The following FHIP1A variants were observed in gnomAD, a reference collection of about 807,000 sequenced individuals.
The protein encoded by FHIP1A is FHF complex subunit HOOK-interacting protein 1A.
FHIP1A carries 61 observed loss-of-function variants against 88.6 expected under a neutral mutation model. The observed-to-expected ratio is 0.69, with a 90% CI of 0.56 to 0.85. The LOEUF (loss-of-function observed/expected upper bound fraction) is 0.85. Ranked by LOEUF, FHIP1A falls within the 40% of genes least tolerant of loss-of-function variation. FHIP1A has a pLI of 0.00. For synonymous variants in FHIP1A, 478 were observed against 496.0 expected, an observed-to-expected ratio of 0.96 and a Z score of 0.48; for missense variants, 1,154 against 1,273.5, an observed-to-expected ratio of 0.91 and a Z score of 1.43.
At chr4:151,569,419 G>A (rs1733512350) in intron 4 of FHIP1A, among the ~76,000 whole-genome samples, 1 of 152,028 alleles carries the variant, frequency 6.6e-6, no homozygotes. Context: ...AGGCATGGTG[G>A]CGGGTGCCTG....
At chr4:151,621,571 G>A (rs1320065818) in intron 7 of FHIP1A, among the ~76,000 whole-genome samples, 1 of 150,366 alleles carries the variant, frequency 6.7e-6, no homozygotes, top group Admixed American at 6.6e-5. Flanking sequence ...GGGGGTGCGT[G>A]GGGGAGGAGT....
rs116873603 is a variant in FHIP1A, at chr4:151,410,462, C to T, written c.-356+997C>T. 5.4e-4 allele frequency among the ~76,000 whole-genome samples: 83 copies of T among 152,368 alleles called. No individual in the cohort carries two copies. The East Asian group carries it at 0.015, about 28-fold the overall frequency. On this transcript the variant is annotated intron_variant, in intron 1 of 13. Coordinates refer to ENST00000435205, the MANE Select transcript of FHIP1A (RefSeq NM_001109977.3). ...ATCTCATTAGGAAGTCAGCTGCTCC[C>T]TGCTAATAGTCATAGCAGCCCTGAT...
intron 10 of FHIP1A, among the ~76,000 whole-genome samples, chr4:151,648,373 A>G (rs981541837): frequency 6.6e-5 from 10 of 152,206 alleles, no homozygotes; most frequent in African/African-American, 2.4e-4. Context: ...GTCTTTTTAC[A>G]TAACATAGAT....
chr4:151,496,156 T>A (rs570253381), intron 3 of FHIP1A, among the ~76,000 whole-genome samples: 1 of 151,802 alleles, frequency 6.6e-6, no homozygotes, highest in African/African-American at 2.4e-5. Context: ...TGCATTTGTT[T>A]AGAGATATTT....
intron 3 of FHIP1A, among the ~76,000 whole-genome samples, chr4:151,498,438 A>G (rs536987542): frequency 2.0e-5 from 3 of 152,170 alleles, no homozygotes; most frequent in Non-Finnish European, 2.9e-5. Context: ...TTTTACCCCA[A>G]CATCTCCAGG....
At chr4:151,499,322 C>G (rs747848857) in intron 3 of FHIP1A, among the ~76,000 whole-genome samples, 1 of 152,156 alleles carries the variant, frequency 6.6e-6, no homozygotes, top group Non-Finnish European at 1.5e-5. Context: ...TTAACTAAAG[C>G]TTTCTTCTCT....
chr4:151,511,208 G>A (rs186281007), intron 3 of FHIP1A, among the ~76,000 whole-genome samples: 3 of 152,152 alleles, frequency 2.0e-5, no homozygotes, highest in Non-Finnish European at 4.4e-5. Context: ...GTAAATTCAC[G>A]GGACTATCAG....
intron 2 of FHIP1A, among the ~76,000 whole-genome samples, chr4:151,465,166 A>G (rs1729264726): frequency 6.6e-6 from 1 of 152,196 alleles, no homozygotes; most frequent in African/African-American, 2.4e-5. Flanking sequence ...TTGCACTGCA[A>G]CCTGGGTGAC....
At chr4:151,593,388 T>TC (rs1275195344) in intron 7 of FHIP1A, among the ~76,000 whole-genome samples, 2 of 152,042 alleles carry the variant, frequency 1.3e-5, no homozygotes, top group Non-Finnish European at 2.9e-5. Flanking sequence ...ATGCTTCCTA[T>TC]CCATGAGCAT....
rs1170358478 is a variant in FHIP1A at position 151,516,070 on chromosome 4, C to T, written c.-123+33422C>T. Among the ~76,000 whole-genome samples the T allele has an allele frequency of 2.6e-5, 4 of 152,266 alleles. No homozygotes were observed. The East Asian group carries it at 7.7e-4, about 29-fold the overall frequency. On this transcript the variant is annotated intron_variant, in intron 3 of 13. Transcript: ENST00000435205. ...AAACTATACTACAAGGCTACAGTAA[C>T]CAAAACAGCATGGTACTGGTACCAA...
In FHIP1A at chr4:151,446,166, G is replaced by A. The variant is rs376631977; in HGVS notation, c.-355-8535G>A. On this transcript the variant is annotated intron_variant, in intron 1 of 13. Coordinates refer to ENST00000435205, the MANE Select transcript of FHIP1A (RefSeq NM_001109977.3). ...CCCCATCTTGGACAACACATGGTAT[G>A]ATCAGACTTCTTAAATCTTTTGCCT... is the stretch of plus-strand genomic sequence containing the variant. Among the ~76,000 whole-genome samples, 10 of 152,132 alleles carry A rather than the reference G, an allele frequency of 6.6e-5. No individual in the cohort carries two copies. The East Asian group carries it at 1.7e-3, about 27-fold the overall frequency.
At chr4:151,661,937 T>C (rs1273786737) in intron 13 of FHIP1A, among the ~76,000 whole-genome samples, 1 of 152,182 alleles carries the variant, frequency 6.6e-6, no homozygotes, top group Non-Finnish European at 1.5e-5. Flanking sequence ...GCTCTCCTTT[T>C]ATGTAAAACG....
At chr4:151,463,590 T>A (rs1305129948) in intron 2 of FHIP1A, among the ~76,000 whole-genome samples, 1 of 152,222 alleles carries the variant, frequency 6.6e-6, no homozygotes, top group Non-Finnish European at 1.5e-5. Context: ...GCCCCCAGCC[T>A]TCTGTTCTTT....
At chr4:151,639,902 TG>T (rs1335434493) in intron 9 of FHIP1A, among the ~76,000 whole-genome samples, 2 of 151,940 alleles carry the variant, frequency 1.3e-5, no homozygotes, top group Non-Finnish European at 2.9e-5. Context: ...GAGCTGAGAG[TG>T]GGGGAAGAGG....
At chr4:151,529,877 T>G (rs189090849) in intron 3 of FHIP1A, among the ~76,000 whole-genome samples, 26 of 152,326 alleles carry the variant, frequency 1.7e-4, no homozygotes, top group Admixed American at 1.2e-3. Context: ...GGCCATGGCA[T>G]GTTTTTCAAT....
intron 3 of FHIP1A, among the ~76,000 whole-genome samples, chr4:151,515,999 C>T (rs1407074283): frequency 6.6e-6 from 1 of 152,246 alleles, no homozygotes; most frequent in East Asian, 1.9e-4. Context: ...CCAAGTCAAT[C>T]CTAGGCCAAA....
At chr4:151,532,642 A>G (rs1326909224) in intron 3 of FHIP1A, among the ~76,000 whole-genome samples, 1 of 152,190 alleles carries the variant, frequency 6.6e-6, no homozygotes, top group Non-Finnish European at 1.5e-5. Flanking sequence ...ATGGCGGTGG[A>G]GTCAGGGAGA....
intron 3 of FHIP1A, among the ~76,000 whole-genome samples, chr4:151,538,537 T>G (rs930874650): frequency 2.6e-5 from 4 of 152,210 alleles, no homozygotes; most frequent in Non-Finnish European, 5.9e-5. Context: ...TTCTTAGGAA[T>G]GCTAAAGTTT....
intron 1 of FHIP1A, among the ~76,000 whole-genome samples, chr4:151,411,227 AAT>A (rs1348404453): frequency 3.9e-5 from 6 of 152,154 alleles, no homozygotes; most frequent in Admixed American, 3.9e-4. Context: ...TTCTTTCTTT[AAT>A]AGGAACTTGA....
Sources: allele counts gnomAD v4.1 joint callset (sites outside exome capture counted in the v4.1 genomes callset), GRCh38; gene constraint gnomAD v4.1.1; transcripts MANE v1.5; gene names NCBI Gene and HGNC (gene_info 2026-07-23, HGNC 2026-07-21).